The following CATSPERE variants were observed in gnomAD, a reference collection of about 807,000 sequenced individuals.
CATSPERE encodes the protein catsper channel auxiliary subunit epsilon.
A neutral mutation model predicts 114.1 loss-of-function variants in CATSPERE; 93 were observed. The observed-to-expected ratio is 0.81, with a 90% CI of 0.69 to 0.97. CATSPERE has a LOEUF of 0.97. CATSPERE is among the 50% of genes least tolerant of loss of function. The pLI is 0.00. For missense variants in CATSPERE, 1,058 were observed against 1,131.6 expected, an observed-to-expected ratio of 0.93 and a Z score of 0.93; for synonymous variants, 341 against 384.1, an observed-to-expected ratio of 0.89 and a Z score of 1.31.
intron 6 of CATSPERE, among the ~76,000 whole-genome samples, chr1:244,495,738 T>A (rs1672981512): frequency 6.6e-6 from 1 of 151,808 alleles, no homozygotes; most frequent in Admixed American, 6.6e-5. Context: ...ATAATAATAA[T>A]AAAATATTTA....
intron 2 of CATSPERE, among the ~76,000 whole-genome samples, chr1:244,467,691 C>T (rs913106357): frequency 6.6e-6 from 1 of 152,154 alleles, no homozygotes; most frequent in African/African-American, 2.4e-5. Context: ...CTAGAAACAA[C>T]CCAGTAGCAT....
At chr1:244,487,808 C>G (rs575669669) in intron 5 of CATSPERE, among the ~76,000 whole-genome samples, 1 of 152,210 alleles carries the variant, frequency 6.6e-6, no homozygotes, top group African/African-American at 2.4e-5. Flanking sequence ...CGGGACTGTA[C>G]GGGAGCCAAA....
At chr1:244,554,252 T>C (rs548235313) in intron 9 of CATSPERE, among the ~76,000 whole-genome samples, 1 of 152,218 alleles carries the variant, frequency 6.6e-6, no homozygotes, top group Non-Finnish European at 1.5e-5. Context: ...TTGAGAACCC[T>C]CCATACTGTT....
intron 7 of CATSPERE, among the ~76,000 whole-genome samples, chr1:244,515,060 A>G (rs551123334): frequency 1.1e-4 from 17 of 152,276 alleles, no homozygotes; most frequent in Middle Eastern, 6.8e-3. Flanking sequence ...AATCTCTTCA[A>G]TGTTTGGCCA....
intron 9 of CATSPERE, among the ~76,000 whole-genome samples, chr1:244,554,066 C>T (rs541625109): frequency 6.6e-6 from 1 of 152,172 alleles, no homozygotes; most frequent in Non-Finnish European, 1.5e-5. Context: ...TTTATCCACT[C>T]ATCCATTGAT....
intron 20 of CATSPERE, among the ~76,000 whole-genome samples, chr1:244,623,792 TA>T (rs1672711452): frequency 6.6e-6 from 1 of 152,242 alleles, no homozygotes; most frequent in East Asian, 1.9e-4. Flanking sequence ...GCACATTGTC[TA>T]AAAAATATAT....
chr1:244,539,679 A>G (rs1403954816), intron 8 of CATSPERE, among the ~76,000 whole-genome samples: 2 of 146,374 alleles, frequency 1.4e-5, no homozygotes, highest in Non-Finnish European at 3.0e-5. Flanking sequence ...CAGAGATTCA[A>G]CTTCTTCCTG....
intron 20 of CATSPERE, among the ~76,000 whole-genome samples, chr1:244,632,866 A>G (rs1674147436): frequency 1.3e-5 from 2 of 152,218 alleles, no homozygotes. Flanking sequence ...GGATAAAAAT[A>G]TAAGACCTAA....
In CATSPERE at chr1:244,573,834, C is replaced by T. The variant is rs1386082740; in HGVS notation, c.1950+1062C>T. On this transcript the variant is annotated intron_variant, in intron 11 of 21. Coordinates refer to ENST00000366534, the MANE Select transcript of CATSPERE (RefSeq NM_001130957.2). This position sits in a 1 kb window ranked among gnomAD's most constrained non-coding sequence, Gnocchi z 4.0. ...GAATGGGAAAAATTCTTGCAGCCAT[C>T]TTTGCAAACAATGTCATAATAGGTG... Among the ~76,000 whole-genome samples the T allele has an allele frequency of 2.6e-5, 4 of 152,172 alleles. No homozygotes were observed. The highest frequency in any genetic ancestry group is 4.4e-5 in the Non-Finnish European group (3 of 68,022).
rs1660807009 is a variant in CATSPERE at position 244,552,414 on chromosome 1, A to G, written c.629A>G (p.Asp210Gly). 6.2e-7 allele frequency: 1 copy of G among 1,614,000 alleles called. No homozygotes were observed. Among genetic ancestry groups the G allele is most frequent in the Admixed American group, 1.7e-5 (1 of 59,988 alleles). The change falls in exon 9 of 22, where the codon GAT becomes GGT. Residue 210 changes from aspartate (D) to glycine (G), a missense_variant. Physicochemically the swap from Asp to Gly is moderately conservative, Grantham distance 94. Coordinates refer to ENST00000366534, the MANE Select transcript of CATSPERE (RefSeq NM_001130957.2). ...QVTFQDCFIADFLILLTFPLL... is the reference protein window; with the variant it reads ...QVTFQDCFIAGFLILLTFPLL... ...ACTTTTCAGGATTGCTTTATTGCAG[A>G]TTTTCTTATTCTGTTGACTTTTCCT... is the stretch of plus-strand genomic sequence containing the variant.
chr1:244,639,992 G>A lies in CATSPERE; in HGVS notation c.2767G>A (p.Val923Ile), dbSNP rs1490913523. The A allele has an allele frequency of 6.5e-7, 1 of 1,545,406 alleles. No homozygotes were observed. The highest frequency in any genetic ancestry group is 8.7e-7 in the Non-Finnish European group (1 of 1,145,318). ...GATGCTGCTCTTCTTCACTATTCTT[G>A]TTTTGAGCTACTTTCGGTACATGAG... ...VLMLLFFTIL[V>I]LSYFRYMRIY... Residue 923 changes from valine (V) to isoleucine (I), a missense_variant, in exon 22 of 22, where the codon GTT becomes ATT. Val to Ile is a conservative substitution (Grantham distance 29). This residue lies in a region of CATSPERE where 787 missense variants were observed against 905.6 expected (regional missense o/e 0.87). Coordinates refer to ENST00000366534, the MANE Select transcript of CATSPERE (RefSeq NM_001130957.2).
intron 10 of CATSPERE, among the ~76,000 whole-genome samples, chr1:244,570,699 T>C (rs1203930168): frequency 6.6e-6 from 1 of 152,228 alleles, no homozygotes; most frequent in Non-Finnish European, 1.5e-5. Context: ...GAGAAGGTGC[T>C]ATGAAAGCAA....
At chr1:244,581,489 A>T (rs1483733755) in intron 11 of CATSPERE, among the ~76,000 whole-genome samples, 1 of 152,246 alleles carries the variant, frequency 6.6e-6, no homozygotes, top group Non-Finnish European at 1.5e-5. Flanking sequence ...ATAATTTTGC[A>T]ACATTTTATT....
Position 244,572,672 on chromosome 1 carries a change from C to G in CATSPERE, c.1850C>G (p.Thr617Ser), listed in dbSNP as rs1177218466. The change falls in exon 11 of 22, where the codon ACT (threonine) becomes AGT (serine). Residue 617 changes from threonine to serine, a missense_variant. By Grantham distance (58) the Thr-to-Ser change is moderately conservative (BLOSUM62 1). Around this residue, in one of 2 missense-constraint regions of CATSPERE, gnomAD observed 787 missense variants for 905.6 expected, o/e 0.87. Transcript: ENST00000366534. ...ACTCAGATCGTCTATCCAGAAAACA[C>G]TGGTCTGTATGTTATTGTGGAATCT... is the stretch of plus-strand genomic sequence containing the variant. ...VWTQIVYPEN[T>S]GLYVIVESYG... 1.9e-6 allele frequency: 3 copies of G among 1,613,758 alleles called. No individual in the cohort carries two copies.
At chr1:244,559,411 A>G (rs958391518) in intron 9 of CATSPERE, among the ~76,000 whole-genome samples, 8 of 152,236 alleles carry the variant, frequency 5.3e-5, no homozygotes, top group Non-Finnish European at 1.0e-4. Flanking sequence ...ATTAAGTAAA[A>G]TGAGGACAAC....
intron 5 of CATSPERE, among the ~76,000 whole-genome samples, chr1:244,481,985 G>A (rs1186141668): frequency 6.6e-6 from 1 of 152,198 alleles, no homozygotes; most frequent in Non-Finnish European, 1.5e-5. Context: ...AGCTAGGGCT[G>A]AAAGAAGTGG....
chr1:244,506,252 T>C (rs1674797471), intron 7 of CATSPERE, among the ~76,000 whole-genome samples: 2 of 152,304 alleles, frequency 1.3e-5, no homozygotes, highest in East Asian at 1.9e-4. Context: ...TATTCCATCA[T>C]ATATATATAA....
Position 244,477,588 on chromosome 1 carries a change from A to G in CATSPERE, c.162A>G (p.Pro54=). ...EGTLFTEWSV[P]ETCFVLNKSS... ...CATTATTTACTGAGTGGAGTGTGCC[A>G]GAAACTTGTTTTGTGCTAAATAAAA... The change falls in exon 3 of 22, where the codon CCA becomes CCG. Residue 54 remains proline (P), a synonymous_variant. Coordinates refer to ENST00000366534, the MANE Select transcript of CATSPERE (RefSeq NM_001130957.2). The G allele has an allele frequency of 1.2e-6, 2 of 1,600,862 alleles. No individual in the cohort carries two copies. The highest frequency in any genetic ancestry group is 2.2e-5 in the East Asian group (1 of 44,706).
intron 11 of CATSPERE, among the ~76,000 whole-genome samples, chr1:244,574,380 A>G (rs1483277966): frequency 1.3e-5 from 2 of 152,198 alleles, no homozygotes; most frequent in East Asian, 3.9e-4. Context: ...TATTAGCACA[A>G]AGTAAGGAGG....
Sources: allele counts gnomAD v4.1 joint callset (sites outside exome capture counted in the v4.1 genomes callset), GRCh38; gene constraint gnomAD v4.1.1; regional missense constraint gnomAD v4.1.1; non-coding constraint Gnocchi (gnomAD v3.1); transcripts MANE v1.5; gene names NCBI Gene and HGNC (gene_info 2026-07-23, HGNC 2026-07-21).